RTN1: variants seen among roughly 807,000 people sequenced by gnomAD.
RTN1 encodes the protein reticulon-1.
RTN1 carries 25 observed loss-of-function variants against 65.5 expected under a neutral mutation model. The observed-to-expected ratio is 0.38, with a 90% CI of 0.28 to 0.53. The LOEUF is 0.53. RTN1 is among the 20% of genes least tolerant of loss of function. The pLI is 0.79. For synonymous variants in RTN1, 471 were observed against 447.6 expected (o/e 1.05, Z -0.66); for missense variants, 983 against 1,025.4 (o/e 0.96, Z 0.57).
chr14:59,830,226 A>G (rs1323142022), intron 1 of RTN1, among the ~76,000 whole-genome samples: 2 of 152,174 alleles, frequency 1.3e-5, no homozygotes, highest in African/African-American at 4.8e-5. Flanking sequence ...TCCTAACTAC[A>G]TCGGATATGA....
intron 3 of RTN1, among the ~76,000 whole-genome samples, chr14:59,639,732 T>A (rs1446434932): frequency 6.6e-6 from 1 of 152,246 alleles, no homozygotes; most frequent in Non-Finnish European, 1.5e-5. Flanking sequence ...TGAGAGTTTT[T>A]GTTATGAACA....
chr14:59,719,879 G>A lies in RTN1; in HGVS notation c.1765+7040C>T, dbSNP rs567926014. On this transcript the variant is annotated intron_variant, in intron 3 of 8. Coordinates refer to ENST00000267484, the MANE Select transcript of RTN1 (RefSeq NM_021136.3). ...TGAGGAACAGAGGAGAAAAAAGCCT[G>A]GATAGGGAATTAGGATTGCCATTTA... Among the ~76,000 whole-genome samples the A allele has an allele frequency of 7.2e-5, 11 of 152,258 alleles. 1 individual carries two copies. Among genetic ancestry groups the A allele is most frequent in the Admixed American group, 2.0e-4 (3 of 15,296 alleles).
intron 1 of RTN1, among the ~76,000 whole-genome samples, chr14:59,783,518 A>C (rs1886194337): frequency 6.6e-6 from 1 of 152,170 alleles, no homozygotes; most frequent in Non-Finnish European, 1.5e-5. Context: ...GTGACATGGG[A>C]TTTGATTCCT....
chr14:59,739,338 G>C (rs1885067662), intron 2 of RTN1, among the ~76,000 whole-genome samples: 1 of 151,966 alleles, frequency 6.6e-6, no homozygotes, highest in South Asian at 2.1e-4. Context: ...AGGAGTTCGG[G>C]GAGACCAGCC....
At chr14:59,770,753 CTTTA>C (rs1170044098) in intron 1 of RTN1, among the ~76,000 whole-genome samples, 2 of 152,012 alleles carry the variant, frequency 1.3e-5, no homozygotes, top group Non-Finnish European at 2.9e-5. Context: ...ACCTTAAATA[CTTTA>C]TTTAAGAATT....
At chr14:59,792,793 A>G (rs895541922) in intron 1 of RTN1, among the ~76,000 whole-genome samples, 4 of 152,202 alleles carry the variant, frequency 2.6e-5, no homozygotes, top group African/African-American at 4.8e-5. Context: ...AAAAATAGTC[A>G]ATAATTCTTT....
At chr14:59,797,193 C>T (rs1036179564) in intron 1 of RTN1, among the ~76,000 whole-genome samples, 1 of 152,114 alleles carries the variant, frequency 6.6e-6, no homozygotes, top group Non-Finnish European at 1.5e-5. Flanking sequence ...TAAACTATTG[C>T]TAAATGCAAA....
In RTN1 at chr14:59,829,644, A is replaced by T. The variant is rs1887092267; in HGVS notation, c.241+40746T>A. ...CATTTCCTGCTCATGCTCCCTGTCC[A>T]GGCAGGTTGGCTTGGGGACTCTGCT... is the stretch of plus-strand genomic sequence containing the variant. On this transcript the variant is annotated intron_variant, in intron 1 of 8. Transcript: ENST00000267484. This position sits in a 1 kb window ranked among gnomAD's most constrained non-coding sequence, Gnocchi z 4.3. Among the ~76,000 whole-genome samples the T allele has an allele frequency of 6.6e-6, 1 of 152,240 alleles. No individual in the cohort carries two copies.
Position 59,691,823 on chromosome 14 carries a change from A to G in RTN1, c.1765+35096T>C, listed in dbSNP as rs571139731. 3.3e-5 allele frequency among the ~76,000 whole-genome samples: 5 copies of G among 152,346 alleles called. No individual in the cohort carries two copies. In the East Asian group the frequency reaches 9.6e-4, roughly 29 times the overall value. On this transcript the variant is annotated intron_variant, in intron 3 of 8. Transcript: ENST00000267484. ...ATGATTCACTACATAAACAGAATTA[A>G]AAACAAAAACCATCTAATCATCTCA...
rs957644775 is a variant in RTN1 at position 59,816,215 on chromosome 14, G to A, written c.241+54175C>T. ...TATGCACACACACACACACAAGCTT[G>A]CGTGCGTGCACACACACAGACACAC... is the stretch of plus-strand genomic sequence containing the variant. On this transcript the variant is annotated intron_variant, in intron 1 of 8. Transcript: ENST00000267484. The surrounding 1 kb of genome is among the most constrained non-coding windows in gnomAD (Gnocchi z 4.3). Among the ~76,000 whole-genome samples the A allele has an allele frequency of 6.6e-6, 1 of 151,630 alleles. No homozygotes were observed. Among genetic ancestry groups the A allele is most frequent in the Non-Finnish European group, 1.5e-5 (1 of 67,936 alleles).
chr14:59,679,920 A>T (rs760728129), intron 3 of RTN1, among the ~76,000 whole-genome samples: 29 of 152,074 alleles, frequency 1.9e-4, no homozygotes, highest in Non-Finnish European at 3.2e-4. Flanking sequence ...TTTCTTTTTT[A>T]AAAAAATAGA....
intron 1 of RTN1, among the ~76,000 whole-genome samples, chr14:59,855,586 C>T (rs1293838381): frequency 1.3e-5 from 2 of 152,086 alleles, no homozygotes; most frequent in Non-Finnish European, 2.9e-5. Flanking sequence ...AATATGGTGT[C>T]GATTGTCTTT....
At chr14:59,722,173 A>T (rs1884662098) in intron 3 of RTN1, among the ~76,000 whole-genome samples, 5 of 152,230 alleles carry the variant, frequency 3.3e-5, no homozygotes, top group Non-Finnish European at 1.5e-5. Context: ...TTCACACTCA[A>T]TGACATCACT....
intron 1 of RTN1, among the ~76,000 whole-genome samples, chr14:59,861,646 A>G (rs1317307941): frequency 6.6e-6 from 1 of 152,168 alleles, no homozygotes; most frequent in African/African-American, 2.4e-5. Flanking sequence ...TTTTCTGATC[A>G]GTTCTAATTA....
At chr14:59,821,121 C>CA (rs1886936075) in intron 1 of RTN1, among the ~76,000 whole-genome samples, 1 of 152,158 alleles carries the variant, frequency 6.6e-6, no homozygotes, top group Non-Finnish European at 1.5e-5. Context: ...ATTTTAACAA[C>CA]ATTGATTCTT....
chr14:59,803,727 G>A lies in RTN1; in HGVS notation c.242-57246C>T, dbSNP rs117851248. ...ACAGCACTTTCCTTTCCTGAGCTGC[G>A]CTACCTGTGACCTGAGGAAAAACAG... On this transcript the variant is annotated intron_variant, in intron 1 of 8. Transcript: ENST00000267484. The surrounding 1 kb of genome is among the most constrained non-coding windows in gnomAD (Gnocchi z 5.6). Among the ~76,000 whole-genome samples, 51 of 152,274 alleles carry A rather than the reference G, an allele frequency of 3.3e-4. No individual in the cohort carries two copies. The highest frequency in any genetic ancestry group is 2.1e-3 in the East Asian group (11 of 5,180).
intron 3 of RTN1, among the ~76,000 whole-genome samples, chr14:59,656,946 A>T (rs1883133307): frequency 6.6e-6 from 1 of 151,872 alleles, no homozygotes. Context: ...CCACCTATCA[A>T]GTGGATGACT....
rs1349883238 is a variant in RTN1, at chr14:59,749,264, ATC to A, written c.242-2785_242-2784del. ...TATATATATCTATATATCTATATAT[ATC>A]TATATATATATCTATATATATCTAT... is the stretch of plus-strand genomic sequence containing the variant. On this transcript the variant is annotated intron_variant, in intron 1 of 8. Transcript: ENST00000267484. 2.5e-5 allele frequency among the ~76,000 whole-genome samples: 2 copies of A among 79,010 alleles called. 1 individual carries two copies. The highest frequency in any genetic ancestry group is 1.7e-4 in the African/African-American group (2 of 12,032). The allele number at this position is 79,010 out of a possible 152,430, so 51.8% of individuals were successfully genotyped here.
chr14:59,715,839 A>AT (rs1884522708), intron 3 of RTN1, among the ~76,000 whole-genome samples: 1 of 113,776 alleles, frequency 8.8e-6, no homozygotes, highest in African/African-American at 5.0e-5. Context: ...AAAAAAAAAA[A>AT]ATGTGGACCT....
Sources: gnomAD v4.1 joint callset for allele counts (sites outside exome capture counted in the v4.1 genomes callset) on GRCh38, gnomAD v4.1.1 for gene constraint, Gnocchi (gnomAD v3.1) non-coding constraint, MANE v1.5 for transcripts, NCBI Gene and HGNC (gene_info 2026-07-23, HGNC 2026-07-21) for gene names.